The following DGKB variants were observed in gnomAD, a reference collection of about 807,000 sequenced individuals.
The protein encoded by DGKB is 90 kDa diacylglycerol kinase.
Under a neutral mutation model 114.3 loss-of-function variants are expected in DGKB, and 67 were observed. The ratio of observed to expected loss-of-function variants is 0.59; its 90% CI spans 0.48 to 0.72. DGKB has a LOEUF of 0.72. Among genes scored for constraint, DGKB ranks in the 30% least tolerant of loss-of-function variants. The probability of loss-of-function intolerance (pLI) is 0.00; values close to 1 mark genes in which losing one functional copy is unlikely to be tolerated. For synonymous variants in DGKB, 398 were observed against 323.1 expected (o/e 1.23, Z -2.49); for missense variants, 907 against 975.2 (o/e 0.93, Z 0.93).
chr7:14,367,811 A>G (rs1162784646), intron 21 of DGKB, among the ~76,000 whole-genome samples: 1 of 151,940 alleles, frequency 6.6e-6, no homozygotes, highest in Non-Finnish European at 1.5e-5. Flanking sequence ...GAGAGACAGA[A>G]CAGGGGAAAC....
chr7:14,402,483 T>G (rs1823294079), intron 21 of DGKB, among the ~76,000 whole-genome samples: 1 of 151,952 alleles, frequency 6.6e-6, no homozygotes. Flanking sequence ...GAATTGCATA[T>G]TTTAAAAATG....
intron 23 of DGKB, among the ~76,000 whole-genome samples, chr7:14,303,964 C>G (rs1347043595): frequency 6.6e-6 from 1 of 151,552 alleles, no homozygotes; most frequent in Admixed American, 6.6e-5. Flanking sequence ...TAATGAAACC[C>G]TGGATTAGAT....
chr7:14,665,627 T>C (rs1568843), intron 13 of DGKB, among the ~76,000 whole-genome samples: 114,537 of 151,838 alleles, frequency 0.75, 44,062 homozygotes, highest in East Asian at 0.9. Context: ...ATTTTTGTGA[T>C]AATCTGCTTG....
intron 25 of DGKB, among the ~76,000 whole-genome samples, chr7:14,161,677 G>A (rs1049346660): frequency 7.9e-5 from 12 of 151,152 alleles, no homozygotes; most frequent in Non-Finnish European, 1.5e-4. Context: ...GGGGTGGGGG[G>A]CAAGGGGAGG....
At chr7:14,370,007 G>T (rs986319151) in intron 21 of DGKB, among the ~76,000 whole-genome samples, 1 of 152,070 alleles carries the variant, frequency 6.6e-6, no homozygotes, top group African/African-American at 2.4e-5. Context: ...TGTTTTAGTC[G>T]TGAAGGCTTT....
At chr7:14,812,707 C>CA (rs1407704767) in intron 2 of DGKB, among the ~76,000 whole-genome samples, 1 of 152,140 alleles carries the variant, frequency 6.6e-6, no homozygotes, top group East Asian at 1.9e-4. Context: ...TTCAATCTTT[C>CA]AACCCTCTTC....
intron 1 of DGKB, among the ~76,000 whole-genome samples, chr7:14,893,250 A>G (rs1209971412): frequency 6.6e-6 from 1 of 151,230 alleles, no homozygotes; most frequent in African/African-American, 2.4e-5. Flanking sequence ...ATCACCAGTG[A>G]TCTTCCAGTG....
chr7:14,966,950 A>ACATTGT (rs1787190933), intron 1 of DGKB, among the ~76,000 whole-genome samples: 1 of 152,148 alleles, frequency 6.6e-6, no homozygotes, highest in Non-Finnish European at 1.5e-5. Context: ...ATCTTAAGGA[A>ACATTGT]ATATTATGCA....
At chr7:14,274,911 A>AT (rs909933770) in intron 23 of DGKB, among the ~76,000 whole-genome samples, 1 of 150,082 alleles carries the variant, frequency 6.7e-6, no homozygotes, top group Non-Finnish European at 1.5e-5. Context: ...TCAAATATGC[A>AT]TTTTTTGGGG....
chr7:14,710,841 A>G (rs1487232602), intron 6 of DGKB, among the ~76,000 whole-genome samples: 1 of 152,112 alleles, frequency 6.6e-6, no homozygotes, highest in Non-Finnish European at 1.5e-5. Flanking sequence ...AATGCCTGTA[A>G]TAATCCCAAA....
rs1365800067 is a variant in DGKB, at chr7:14,687,622, T to C, written c.712-2260A>G. ...TTATGTGGAAAGGTTAAATATGGGG[T>C]TGTTAATTTTTAAAAAACTAAATTA... On this transcript the variant is annotated intron_variant, in intron 9 of 25. Transcript: ENST00000402815. Among the ~76,000 whole-genome samples the C allele has an allele frequency of 2.0e-5, 3 of 152,136 alleles. No individual in the cohort carries two copies. The East Asian group carries it at 5.8e-4, about 29-fold the overall frequency.
intron 21 of DGKB, among the ~76,000 whole-genome samples, chr7:14,454,972 G>A (rs2195749): frequency 0.35 from 53,128 of 151,844 alleles, 9,596 homozygotes; most frequent in South Asian, 0.41. Flanking sequence ...GAACTGGTAA[G>A]AGGCAGAAGT....
At chr7:14,693,048 T>C (rs189846789) in intron 9 of DGKB, among the ~76,000 whole-genome samples, 9 of 152,308 alleles carry the variant, frequency 5.9e-5, no homozygotes, top group Non-Finnish European at 4.4e-5. Context: ...AAATGACTTT[T>C]AAAAATTTGG....
intron 20 of DGKB, among the ~76,000 whole-genome samples, chr7:14,547,885 A>AT (rs1382388703): frequency 1.3e-5 from 2 of 152,184 alleles, no homozygotes; most frequent in Admixed American, 1.3e-4. Context: ...ATCCTGGAGC[A>AT]TTTTTTAGAA....
intron 25 of DGKB, among the ~76,000 whole-genome samples, chr7:14,164,596 T>TTATGTAATTTATG: frequency 1.3e-5 from 2 of 152,294 alleles, no homozygotes; most frequent in South Asian, 4.1e-4. Flanking sequence ...TTATGAAAGT[T>TTATGTAATTTATG]AAACATTATG....
Position 14,458,532 on chromosome 7 carries a change from G to A in DGKB, c.1835+19629C>T, listed in dbSNP as rs1832624080. On this transcript the variant is annotated intron_variant, in intron 21 of 25. Coordinates refer to ENST00000402815, the MANE Select transcript of DGKB (RefSeq NM_001350709.2). ...CTCATTTGGACTGGTTAGACAGTGGGTGCAGCCCACAGAGGGTGAGCCGAA... is the reference window on the plus strand; with the variant it reads ...CTCATTTGGACTGGTTAGACAGTGGATGCAGCCCACAGAGGGTGAGCCGAA... 1.3e-5 allele frequency among the ~76,000 whole-genome samples: 2 copies of A among 152,084 alleles called. 1 individual carries two copies. Among genetic ancestry groups the A allele is most frequent in the Admixed American group, 1.3e-4 (2 of 15,272 alleles).
chr7:14,767,666 A>T (rs1836667883), intron 2 of DGKB, among the ~76,000 whole-genome samples: 1 of 151,972 alleles, frequency 6.6e-6, no homozygotes, highest in South Asian at 2.1e-4. Flanking sequence ...GTTATATGTA[A>T]AATAGAAATT....
intron 20 of DGKB, among the ~76,000 whole-genome samples, chr7:14,531,933 C>A (rs975109784): frequency 1.3e-5 from 2 of 150,846 alleles, no homozygotes; most frequent in Non-Finnish European, 3.0e-5. Flanking sequence ...AATAATAGAA[C>A]TTTTATCATG....
At chr7:14,813,618 T>C (rs1843713173) in intron 2 of DGKB, among the ~76,000 whole-genome samples, 1 of 152,218 alleles carries the variant, frequency 6.6e-6, no homozygotes, top group Admixed American at 6.5e-5. Context: ...AACTCAAAAT[T>C]AAACTGTATG....
Sources: allele counts gnomAD v4.1 joint callset (sites outside exome capture counted in the v4.1 genomes callset), GRCh38; gene constraint gnomAD v4.1.1; transcripts MANE v1.5; gene names NCBI Gene and HGNC (gene_info 2026-07-23, HGNC 2026-07-21).